Variants in MTF1 observed in about 807,000 individuals in gnomAD.
MTF1 encodes metal regulatory transcription factor 1, also known as MRE-binding transcription factor.
Under a neutral mutation model 70.4 loss-of-function variants are expected in MTF1, and 22 were observed. That is an observed-to-expected ratio of 0.31 (90% CI 0.22 to 0.45). MTF1 has a LOEUF of 0.45. Among genes scored for constraint, MTF1 ranks in the 20% least tolerant of loss-of-function variants. The pLI is 1.00. For missense variants in MTF1, 649 were observed against 922.0 expected (o/e 0.70, Z 3.83); for synonymous variants, 333 against 352.8 (o/e 0.94, Z 0.63).
intron 4 of MTF1, among the ~76,000 whole-genome samples, chr1:37,836,842 T>A (rs995653114): frequency 3.3e-5 from 5 of 151,958 alleles, no homozygotes; most frequent in African/African-American, 1.2e-4. Context: ...ATGTCTAAAG[T>A]CTCATTGAAT....
At chr1:37,857,163 C>T (rs2148425280) in intron 2 of MTF1, 88 bp downstream of exon 2, 1 of 1,374,698 alleles carries the variant, frequency 7.3e-7, no homozygotes. Flanking sequence ...CCATGCACTC[C>T]TTTACTCCCC....
intron 2 of MTF1, among the ~76,000 whole-genome samples, chr1:37,855,595 T>G (rs1011150971): frequency 4.6e-5 from 7 of 152,164 alleles, no homozygotes; most frequent in Admixed American, 3.9e-4. Context: ...CCTATTTCTG[T>G]TTGGTAACAT....
intron 4 of MTF1, among the ~76,000 whole-genome samples, chr1:37,837,929 A>G (rs1414503441): frequency 6.6e-6 from 1 of 152,220 alleles, no homozygotes; most frequent in Non-Finnish European, 1.5e-5. Context: ...CTGATTTTGA[A>G]TACCTGTTGA....
At chr1:37,841,103 TCACC>T in intron 2 of MTF1, 1 of 169,478 alleles carries the variant, frequency 5.9e-6, no homozygotes, top group South Asian at 1.3e-4. Flanking sequence ...TTTGCTGGGG[TCACC>T]TCTCGAGGAT....
At chr1:37,833,897 G>A (rs1482728704) in intron 6 of MTF1, among the ~76,000 whole-genome samples, 1 of 152,090 alleles carries the variant, frequency 6.6e-6, no homozygotes, top group African/African-American at 2.4e-5. Context: ...CTTGGTTCAA[G>A]AAACCACAAA....
rs373276636 is a variant in MTF1, at chr1:37,838,720, C to T, written c.684G>A (p.Thr228=). Residue 228 remains threonine (T), a synonymous_variant, in exon 4 of 11, where the codon ACG becomes ACA. Coordinates refer to ENST00000373036, the MANE Select transcript of MTF1 (RefSeq NM_005955.3). Reference sequence around the variant, plus strand: ...TGCAGCCTTCAGATTCACAGTTAAACGTTTTCCCTGTGTGAAGCCTCTGAT... The same window carrying T: ...TGCAGCCTTCAGATTCACAGTTAAATGTTTTCCCTGTGTGAAGCCTCTGAT... The part of the protein sequence containing the change: ...KAHQRLHTGK[T]FNCESEGCSK... 3.2e-5 allele frequency: 52 copies of T among 1,606,250 alleles called. No individual in the cohort carries two copies. The highest frequency in any genetic ancestry group is 2.2e-4 in the East Asian group (10 of 44,536).
intron 6 of MTF1, chr1:37,834,790 A>G (rs1641139982): frequency 3.6e-6 from 2 of 553,500 alleles, no homozygotes; most frequent in African/African-American, 1.9e-5. Context: ...GAATGACTAT[A>G]AGATTTTTGG....
rs1640703440 is a variant in MTF1, at chr1:37,810,474, C to CAGGA, written c.*4658_*4661dup. The CAGGA allele has an allele frequency of 6.6e-6, 1 of 152,128 alleles. No homozygotes were observed. The highest frequency in any genetic ancestry group is 1.5e-5 in the Non-Finnish European group (1 of 68,034). 9.4% of individuals were successfully genotyped at this position (152,128 alleles called of 1,614,324 possible). A position where few individuals can be genotyped will look rare whatever the true frequency, so the allele number is the denominator to read the frequency against. ...GCAGACTGAGAAGCCCTCTCTTGAA[C>CAGGA]AGGAGTAACAGTGAGAAATGCCCAG... On this transcript the variant is annotated 3_prime_UTR_variant, in exon 11 of 11. Transcript: ENST00000373036.
intron 2 of MTF1, among the ~76,000 whole-genome samples, chr1:37,849,934 G>A (rs537100373): frequency 2.0e-5 from 3 of 152,256 alleles, no homozygotes; most frequent in Admixed American, 1.3e-4. Context: ...CAGCTGCTTC[G>A]AGACTTGGAG....
rs1640917042 is a variant in MTF1 at position 37,821,980 on chromosome 1, G to A, written c.1767+141C>T. 7.3e-6 allele frequency: 5 copies of A among 688,576 alleles called. No individual in the cohort carries two copies. The South Asian group carries it at 1.0e-4, about 14-fold the overall frequency. 42.7% of individuals were successfully genotyped at this position (688,576 alleles called of 1,614,324 possible). A position where few individuals can be genotyped will look rare whatever the true frequency, so the allele number is the denominator to read the frequency against. ...TCCTACGTTTATACCACTTGATTAT[G>A]TGGAAAATGACTAAAAGGTAGAATT... On this transcript the variant is annotated intron_variant, in intron 9 of 10. Transcript: ENST00000373036.
intron 7 of MTF1, among the ~76,000 whole-genome samples, chr1:37,824,555 G>A (rs1640971963): frequency 6.6e-6 from 1 of 152,072 alleles, no homozygotes; most frequent in Admixed American, 6.6e-5. Flanking sequence ...AAAATTAGCT[G>A]GGCATGGTGG....
At chr1:37,833,746 G>A (rs1417880407) in intron 6 of MTF1, among the ~76,000 whole-genome samples, 1 of 152,052 alleles carries the variant, frequency 6.6e-6, no homozygotes, top group Admixed American at 6.6e-5. Flanking sequence ...TTTATTGGGT[G>A]GTTAGGGAAG....
At chr1:37,833,006 C>CAAA (rs1173963055) in intron 6 of MTF1, among the ~76,000 whole-genome samples, 1 of 129,202 alleles carries the variant, frequency 7.7e-6, no homozygotes. Context: ...GACTCTGTCT[C>CAAA]AAAAAAAAAA....
intron 9 of MTF1, among the ~76,000 whole-genome samples, chr1:37,821,323 A>T (rs1321738961): frequency 6.6e-6 from 1 of 152,110 alleles, no homozygotes; most frequent in East Asian, 1.9e-4. Flanking sequence ...CCTCAATTTT[A>T]AAAAATATGT....
At chr1:37,837,360 T>C (rs1020184948) in intron 4 of MTF1, among the ~76,000 whole-genome samples, 1 of 152,148 alleles carries the variant, frequency 6.6e-6, no homozygotes, top group Non-Finnish European at 1.5e-5. Flanking sequence ...ACAATTCCAT[T>C]TGATTGGCAT....
At chr1:37,818,703 CA>C (rs1173279110) in intron 9 of MTF1, among the ~76,000 whole-genome samples, 7 of 119,694 alleles carry the variant, frequency 5.8e-5, no homozygotes, top group African/African-American at 1.3e-4. Context: ...GACTCCATCT[CA>C]AAAAAAAAGG....
intron 7 of MTF1, among the ~76,000 whole-genome samples, chr1:37,828,630 C>G (rs1641039991): frequency 6.6e-6 from 1 of 152,114 alleles, no homozygotes. Context: ...GACCGGGGTG[C>G]TGGTTACATG....
rs1352647202 is a variant in MTF1 at position 37,818,811 on chromosome 1, G to A, written c.1768-1329C>T. 4.6e-5 allele frequency among the ~76,000 whole-genome samples: 7 copies of A among 151,018 alleles called. No individual in the cohort carries two copies. In the South Asian group the frequency reaches 8.4e-4, roughly 18 times the overall value. On this transcript the variant is annotated intron_variant, in intron 9 of 10. Coordinates refer to ENST00000373036, the MANE Select transcript of MTF1 (RefSeq NM_005955.3). ...AGATCGAGACCATCCTGGCTAATAC[G>A]GTGAAACCCCATCTCTACTAAAAAT...
intron 1 of MTF1, among the ~76,000 whole-genome samples, chr1:37,858,986 T>C (rs990825963): frequency 2.0e-5 from 3 of 152,224 alleles, no homozygotes; most frequent in Non-Finnish European, 4.4e-5. Flanking sequence ...CTTTACTTAG[T>C]GGGATGGCTA....
Sources: gnomAD v4.1 joint callset for allele counts (sites outside exome capture counted in the v4.1 genomes callset) on GRCh38, gnomAD v4.1.1 for gene constraint, MANE v1.5 for transcripts, NCBI Gene and HGNC (gene_info 2026-07-23, HGNC 2026-07-21) for gene names.